ATP11B: variants seen among roughly 807,000 people sequenced by gnomAD.
ATP11B encodes the protein phospholipid-transporting ATPase IF.
ATP11B carries 81 observed loss-of-function variants against 157.8 expected under a neutral mutation model. The ratio of observed to expected loss-of-function variants is 0.51; its 90% CI spans 0.43 to 0.62. The LOEUF (loss-of-function observed/expected upper bound fraction) is 0.62. ATP11B is among the 20% of genes least tolerant of loss of function. The probability of loss-of-function intolerance (pLI) is 0.00; values close to 1 mark genes in which losing one functional copy is unlikely to be tolerated. For missense variants in ATP11B, 1,165 were observed against 1,402.2 expected (o/e 0.83, Z 2.70); for synonymous variants, 451 against 469.4 (o/e 0.96, Z 0.51).
At chr3:182,794,356 A>AG (rs1715461917) in intron 1 of ATP11B, among the ~76,000 whole-genome samples, 1 of 152,168 alleles carries the variant, frequency 6.6e-6, no homozygotes, top group South Asian at 2.1e-4. Context: ...GTTTCTCCCC[A>AG]GGACCTGGAA....
chr3:182,803,709 T>C (rs1410692606), intron 1 of ATP11B, among the ~76,000 whole-genome samples: 1 of 152,256 alleles, frequency 6.6e-6, no homozygotes, highest in Non-Finnish European at 1.5e-5. Flanking sequence ...TTCTCCCGTA[T>C]AGAAAGTTGT....
In ATP11B at chr3:182,811,052, A is replaced by G. The variant is rs542976838; in HGVS notation, c.28-9208A>G. On this transcript the variant is annotated intron_variant, in intron 1 of 29. Coordinates refer to ENST00000323116, the MANE Select transcript of ATP11B (RefSeq NM_014616.3). ...ATTTATATTAAATAAAATCTATTTC[A>G]GTATGTAAACAATCATGACTACACT... Among the ~76,000 whole-genome samples, 43 of 148,412 alleles carry G rather than the reference A, an allele frequency of 2.9e-4. No individual in the cohort carries two copies. In the South Asian group the frequency reaches 9.1e-3, roughly 31 times the overall value.
chr3:182,807,016 T>C (rs1716366946), intron 1 of ATP11B, among the ~76,000 whole-genome samples: 1 of 147,050 alleles, frequency 6.8e-6, no homozygotes, highest in African/African-American at 2.5e-5. Flanking sequence ...GATTATCTTA[T>C]GTTAAGCTTG....
intron 15 of ATP11B, among the ~76,000 whole-genome samples, chr3:182,868,568 G>GCA (rs1049968981): frequency 6.6e-6 from 1 of 151,748 alleles, no homozygotes; most frequent in Non-Finnish European, 1.5e-5. Context: ...ATGGACCCCC[G>GCA]CACACACACA....
chr3:182,836,471 GT>G lies in ATP11B; in HGVS notation c.552+4del, dbSNP rs1718562657. The G allele has an allele frequency of 6.2e-7, 1 of 1,613,720 alleles. No individual in the cohort carries two copies. Among genetic ancestry groups the G allele is most frequent in the African/African-American group, 1.3e-5 (1 of 74,876 alleles). On this transcript the variant is annotated splice_donor_variant, in intron 6 of 29. Transcript: ENST00000323116. LOFTEE classifies it high-confidence loss of function. ...TTTGGACGGAGAAACTAACCTGAAG[GT>G]TTGCTTGCATATGTTTGAGTATTGC... is the stretch of plus-strand genomic sequence containing the variant.
chr3:182,871,602 T>C (rs1721657241), intron 17 of ATP11B, among the ~76,000 whole-genome samples: 1 of 152,232 alleles, frequency 6.6e-6, no homozygotes, highest in South Asian at 2.1e-4. Flanking sequence ...TCTCCTTTGC[T>C]TTAGAAAATT....
At chr3:182,830,377 T>C (rs143329525) in intron 4 of ATP11B, among the ~76,000 whole-genome samples, 2 of 152,164 alleles carry the variant, frequency 1.3e-5, no homozygotes, top group Admixed American at 1.3e-4. Context: ...CTTTCTCTTA[T>C]GAGTTTAGTT....
At chr3:182,896,813 A>G (rs549452200) in intron 26 of ATP11B, 48 bp downstream of exon 26, 17 of 1,384,040 alleles carry the variant, frequency 1.2e-5, no homozygotes, top group Non-Finnish European at 1.5e-5. Flanking sequence ...AACTGTTTAC[A>G]TAGTTAGTTA....
At chr3:182,830,872 A>G (rs1447785069) in intron 4 of ATP11B, among the ~76,000 whole-genome samples, 1 of 152,206 alleles carries the variant, frequency 6.6e-6, no homozygotes, top group Non-Finnish European at 1.5e-5. Context: ...GTCGATATGC[A>G]TTTAAATCAC....
At chr3:182,866,529 A>C (rs1721246689) in intron 14 of ATP11B, 86 bp downstream of exon 14, 1 of 1,191,606 alleles carries the variant, frequency 8.4e-7, no homozygotes, top group African/African-American at 1.6e-5. Flanking sequence ...AAATTTTCAA[A>C]CATAAATTCG....
At chr3:182,807,263 A>G (rs987286832) in intron 1 of ATP11B, among the ~76,000 whole-genome samples, 2 of 152,182 alleles carry the variant, frequency 1.3e-5, no homozygotes, top group Admixed American at 6.5e-5. Context: ...TGAAAGTGTG[A>G]TAAGACTACA....
chr3:182,887,826 G>A (rs574673068), intron 24 of ATP11B, 113 bp downstream of exon 24: 32 of 1,129,778 alleles, frequency 2.8e-5, no homozygotes, highest in Admixed American at 2.1e-4. Flanking sequence ...TTTAGTTGTC[G>A]TATGATTTAC....
intron 1 of ATP11B, among the ~76,000 whole-genome samples, chr3:182,818,029 T>A (rs1193140942): frequency 1.3e-5 from 2 of 152,192 alleles, no homozygotes; most frequent in Non-Finnish European, 2.9e-5. Flanking sequence ...ATTAGTAATA[T>A]TTTATCTGTT....
intron 11 of ATP11B, 21 bp from the exon 12 acceptor site, chr3:182,859,141 C>G (rs746723688): frequency 3.9e-6 from 6 of 1,553,304 alleles, no homozygotes; most frequent in Non-Finnish European, 4.4e-6. Context: ...TCTTTTCAAA[C>G]AATTATTTCC....
At chr3:182,831,139 T>A (rs1560070732) in intron 4 of ATP11B, among the ~76,000 whole-genome samples, 1 of 152,282 alleles carries the variant, frequency 6.6e-6, no homozygotes, top group East Asian at 1.9e-4. Context: ...CATTTCAACT[T>A]TGTCATCTCA....
intron 12 of ATP11B, among the ~76,000 whole-genome samples, chr3:182,862,245 A>ACT (rs145380872): frequency 0.53 from 79,491 of 151,054 alleles, 23,673 homozygotes; most frequent in Non-Finnish European, 0.67. Context: ...GTGCCATTGC[A>ACT]CTCCAACCTG....
At chr3:182,840,789 C>G (rs1300607183) in intron 7 of ATP11B, among the ~76,000 whole-genome samples, 1 of 152,146 alleles carries the variant, frequency 6.6e-6, no homozygotes, top group Non-Finnish European at 1.5e-5. Context: ...CCATCTTTTC[C>G]TAGTTTTGTC....
chr3:182,898,815 G>T (rs1231748558), intron 28 of ATP11B, 43 bp downstream of exon 28: 1 of 1,297,716 alleles, frequency 7.7e-7, no homozygotes, highest in Non-Finnish European at 1.0e-6. Context: ...TTTAGTTAGG[G>T]ATCTTTAATA....
At chr3:182,866,480 C>G (rs1156726639) in intron 14 of ATP11B, 37 bp downstream of exon 14, 7 of 1,435,874 alleles carry the variant, frequency 4.9e-6, no homozygotes, top group Non-Finnish European at 6.5e-6. Flanking sequence ...CGGAAAAACA[C>G]CATTTAAATA....
Sources: gnomAD v4.1 joint callset for allele counts (sites outside exome capture counted in the v4.1 genomes callset) on GRCh38, gnomAD v4.1.1 for gene constraint, MANE v1.5 for transcripts, NCBI Gene and HGNC (gene_info 2026-07-23, HGNC 2026-07-21) for gene names.